CNTNAP2: variants seen among roughly 807,000 people sequenced by gnomAD.
The protein encoded by CNTNAP2 is contactin associated protein 2.
In CNTNAP2, 98 loss-of-function variants were observed where a neutral mutation model predicts 155.2. That is an observed-to-expected ratio of 0.63 (90% confidence interval 0.54 to 0.75). CNTNAP2 has a LOEUF of 0.75. CNTNAP2 is among the 30% of genes least tolerant of loss of function. The pLI is 0.00. For missense variants in CNTNAP2, 1,727 were observed against 1,688.1 expected, an observed-to-expected ratio of 1.02 and a Z score of -0.40; for synonymous variants, 651 against 631.2, an observed-to-expected ratio of 1.03 and a Z score of -0.47.
At chr7:146,337,329 A>G (rs1801294011) in intron 1 of CNTNAP2, among the ~76,000 whole-genome samples, 2 of 151,854 alleles carry the variant, frequency 1.3e-5, no homozygotes, top group African/African-American at 4.8e-5. Flanking sequence ...CTACGTAAAG[A>G]GTGTTTTTAA....
At chr7:147,446,217 C>G (rs1162191387) in intron 10 of CNTNAP2, among the ~76,000 whole-genome samples, 1 of 151,226 alleles carries the variant, frequency 6.6e-6, no homozygotes, top group African/African-American at 2.4e-5. Flanking sequence ...CCCCACCCCT[C>G]ACTAACTTTT....
chr7:146,334,673 C>T (rs754287038), intron 1 of CNTNAP2, among the ~76,000 whole-genome samples: 9 of 152,098 alleles, frequency 5.9e-5, no homozygotes, highest in Non-Finnish European at 1.3e-4. Context: ...TCCAAGAGAT[C>T]TCAGGTCCCA....
intron 15 of CNTNAP2, among the ~76,000 whole-genome samples, chr7:148,087,417 A>G (rs568628526): frequency 2.2e-4 from 33 of 152,262 alleles, no homozygotes; most frequent in Non-Finnish European, 3.7e-4. Flanking sequence ...TTAAATTATA[A>G]CTATCTTTTT....
intron 2 of CNTNAP2, among the ~76,000 whole-genome samples, chr7:146,812,055 G>A (rs1027841775): frequency 1.3e-5 from 2 of 152,094 alleles, no homozygotes; most frequent in Admixed American, 1.3e-4. Flanking sequence ...CAGTAAATTG[G>A]TACTGGGAGA....
At chr7:147,014,490 A>G (rs979593758) in intron 3 of CNTNAP2, among the ~76,000 whole-genome samples, 7 of 152,288 alleles carry the variant, frequency 4.6e-5, no homozygotes, top group East Asian at 1.9e-4. Context: ...CAGAAATGAA[A>G]GTAAATAATT....
intron 21 of CNTNAP2, among the ~76,000 whole-genome samples, chr7:148,370,100 C>A (rs1798859227): frequency 6.6e-6 from 1 of 152,160 alleles, no homozygotes; most frequent in African/African-American, 2.4e-5. Context: ...ACAGTGAACT[C>A]TGAAGAGAAA....
chr7:146,391,390 A>G (rs1795542032), intron 1 of CNTNAP2, among the ~76,000 whole-genome samples: 1 of 151,840 alleles, frequency 6.6e-6, no homozygotes, highest in Non-Finnish European at 1.5e-5. Context: ...ATCTTTCAAA[A>G]CATCTCTCCT....
intron 1 of CNTNAP2, among the ~76,000 whole-genome samples, chr7:146,463,322 T>G (rs1222787908): frequency 6.6e-6 from 1 of 152,166 alleles, no homozygotes; most frequent in Non-Finnish European, 1.5e-5. Flanking sequence ...ACCTTTCTTT[T>G]TGAATTCTTC....
chr7:148,237,695 A>G (rs1177502976), intron 20 of CNTNAP2, among the ~76,000 whole-genome samples: 2 of 150,286 alleles, frequency 1.3e-5, no homozygotes, highest in African/African-American at 4.8e-5. Context: ...TCTGAGGCAC[A>G]TGCAGAGTGG....
intron 1 of CNTNAP2, among the ~76,000 whole-genome samples, chr7:146,502,826 G>A (rs973047377): frequency 3.3e-5 from 5 of 152,120 alleles, no homozygotes; most frequent in African/African-American, 1.2e-4. Context: ...TGTTGGCCAG[G>A]CTGGTCTTGA....
At chr7:148,197,202 C>T (rs577598949) in intron 18 of CNTNAP2, among the ~76,000 whole-genome samples, 103 of 152,112 alleles carry the variant, frequency 6.8e-4, no homozygotes, top group Non-Finnish European at 1.1e-3. Context: ...GTGTCCCTGA[C>T]GAAAAATATG....
In CNTNAP2 at chr7:148,262,741, C is replaced by T. The variant is rs144784039; in HGVS notation, c.3382-4292C>T. On this transcript the variant is annotated intron_variant, in intron 20 of 23. Transcript: ENST00000361727. ...GCCCCTCTTGCCAAGGAAGGTGACG[C>T]GCTCTCAGGTCCTGAGAATTAGGAT... 8.1e-3 allele frequency among the ~76,000 whole-genome samples: 1,235 copies of T among 152,256 alleles called. 6 individuals are homozygous for T. Among genetic ancestry groups the T allele is most frequent in the Non-Finnish European group, 0.013 (899 of 68,028 alleles).
chr7:147,790,120 C>T (rs568167113), intron 13 of CNTNAP2, among the ~76,000 whole-genome samples: 1 of 152,180 alleles, frequency 6.6e-6, no homozygotes, highest in East Asian at 1.9e-4. Context: ...GTTCTTTCCC[C>T]AAATCTTTAG....
At chr7:146,633,164 A>C (rs1336584861) in intron 1 of CNTNAP2, among the ~76,000 whole-genome samples, 1 of 152,124 alleles carries the variant, frequency 6.6e-6, no homozygotes, top group East Asian at 1.9e-4. Flanking sequence ...ATGTATGTAC[A>C]CCCCGTAGAT....
intron 1 of CNTNAP2, among the ~76,000 whole-genome samples, chr7:146,254,539 C>G (rs1044285771): frequency 1.3e-5 from 2 of 152,086 alleles, no homozygotes; most frequent in Admixed American, 1.3e-4. Context: ...AAGGCAGTGT[C>G]CTATTAGAAG....
chr7:146,547,731 A>G (rs1798049566), intron 1 of CNTNAP2, among the ~76,000 whole-genome samples: 1 of 151,916 alleles, frequency 6.6e-6, no homozygotes, highest in Non-Finnish European at 1.5e-5. Context: ...GGTTGTTTTC[A>G]TACCTTGGGT....
chr7:147,556,393 A>C (rs966726636), intron 11 of CNTNAP2, among the ~76,000 whole-genome samples: 1 of 152,152 alleles, frequency 6.6e-6, no homozygotes, highest in East Asian at 1.9e-4. Flanking sequence ...CCAGAGGTTC[A>C]TGTCCTAATT....
chr7:147,966,603 G>A (rs757846459), intron 14 of CNTNAP2, among the ~76,000 whole-genome samples: 1 of 152,088 alleles, frequency 6.6e-6, no homozygotes, highest in Non-Finnish European at 1.5e-5. Flanking sequence ...GTGTCACCCA[G>A]TTACCCTCCT....
At chr7:146,545,853 C>A (rs1458925492) in intron 1 of CNTNAP2, among the ~76,000 whole-genome samples, 1 of 151,926 alleles carries the variant, frequency 6.6e-6, no homozygotes, top group Non-Finnish European at 1.5e-5. Context: ...GATTATAAAT[C>A]ATTCTACTAT....
Sources: allele counts gnomAD v4.1 joint callset (sites outside exome capture counted in the v4.1 genomes callset), GRCh38; gene constraint gnomAD v4.1.1; transcripts MANE v1.5; gene names NCBI Gene and HGNC (gene_info 2026-07-23, HGNC 2026-07-21).